The following DENND1A variants were observed in gnomAD, a reference collection of about 807,000 sequenced individuals.
DENND1A encodes the protein DENN domain-containing protein 1A.
Under a neutral mutation model 113.7 loss-of-function variants are expected in DENND1A, and 51 were observed. That is an observed-to-expected ratio of 0.45 (90% CI 0.36 to 0.57). DENND1A has a LOEUF of 0.57. DENND1A is among the 20% of genes least tolerant of loss of function. DENND1A has a pLI of 0.00. For missense variants in DENND1A, 1,258 were observed against 1,395.9 expected, an observed-to-expected ratio of 0.90 and a Z score of 1.57; for synonymous variants, 565 against 570.8, an observed-to-expected ratio of 0.99 and a Z score of 0.14.
rs80234279 is a variant in DENND1A at position 123,448,391 on chromosome 9, T to C, written c.1356+2302A>G. ...ACAAGTAGGGAGGTAAGGTGATGTC[T>C]GTAGCTTAACGGTCTGCAGAGAGTG... On this transcript the variant is annotated intron_variant, in intron 18 of 23. Transcript: ENST00000394215. Among the ~76,000 whole-genome samples, 611 of 152,218 alleles carry C rather than the reference T, an allele frequency of 4.0e-3. 4 individuals are homozygous for C. The highest frequency in any genetic ancestry group is 0.014 in the African/African-American group (575 of 41,460).
intron 9 of DENND1A, among the ~76,000 whole-genome samples, chr9:123,632,064 A>C (rs569350898): frequency 6.6e-6 from 1 of 152,176 alleles, no homozygotes; most frequent in African/African-American, 2.4e-5. Flanking sequence ...GTGGCGAAAG[A>C]GTGACGTGCC....
intron 2 of DENND1A, among the ~76,000 whole-genome samples, chr9:123,864,020 C>T (rs1208863629): frequency 1.3e-5 from 2 of 149,844 alleles, no homozygotes; most frequent in Non-Finnish European, 1.5e-5. Context: ...AAATCATTAT[C>T]GAGAGTTTCA....
chr9:123,710,765 C>T lies in DENND1A; in HGVS notation c.303-33976G>A, dbSNP rs930801129. Among the ~76,000 whole-genome samples the T allele has an allele frequency of 5.9e-5, 9 of 151,790 alleles. No individual in the cohort carries two copies. In the South Asian group the frequency reaches 6.2e-4, roughly 11 times the overall value. On this transcript the variant is annotated intron_variant, in intron 5 of 23. Coordinates refer to ENST00000394215, the MANE Select transcript of DENND1A (RefSeq NM_001352964.2). ...TTGACTCACTGCAACCTCCATCTCCCGGCTTCAAGCAATTCTGCTGCCTCA... is the reference window on the plus strand; with the variant it reads ...TTGACTCACTGCAACCTCCATCTCCTGGCTTCAAGCAATTCTGCTGCCTCA...
At chr9:123,774,788 C>T (rs547555722) in intron 3 of DENND1A, among the ~76,000 whole-genome samples, 27 of 151,982 alleles carry the variant, frequency 1.8e-4, no homozygotes, top group Non-Finnish European at 3.2e-4. Flanking sequence ...ACCTAATATG[C>T]AGTATTAATG....
intron 13 of DENND1A, among the ~76,000 whole-genome samples, chr9:123,501,347 G>A (rs1246014546): frequency 6.6e-6 from 1 of 152,168 alleles, no homozygotes; most frequent in African/African-American, 2.4e-5. Context: ...ATCTGTGGAT[G>A]GACACCTGGG....
intron 3 of DENND1A, among the ~76,000 whole-genome samples, chr9:123,772,238 T>A (rs1590022707): frequency 6.6e-6 from 1 of 152,316 alleles, no homozygotes; most frequent in East Asian, 1.9e-4. Flanking sequence ...TCATGTCTTA[T>A]CATCTTTTCC....
intron 1 of DENND1A, among the ~76,000 whole-genome samples, chr9:123,882,245 T>C (rs183738286): frequency 6.7e-6 from 1 of 149,614 alleles, no homozygotes; most frequent in African/African-American, 2.5e-5. Flanking sequence ...GCCCAGCTAC[T>C]GGAGAGGCCA....
chr9:123,430,067 G>A (rs542989284), intron 19 of DENND1A, among the ~76,000 whole-genome samples: 1 of 152,252 alleles, frequency 6.6e-6, no homozygotes, highest in African/African-American at 2.4e-5. Flanking sequence ...CATTCACGTG[G>A]CCAATGAACA....
chr9:123,510,966 C>T (rs1411165606), intron 13 of DENND1A, among the ~76,000 whole-genome samples: 1 of 152,200 alleles, frequency 6.6e-6, no homozygotes, highest in African/African-American at 2.4e-5. Context: ...TAAGGCCACA[C>T]AATCCTTCCA....
At chr9:123,850,539 A>C (rs551447315) in intron 2 of DENND1A, among the ~76,000 whole-genome samples, 2 of 152,308 alleles carry the variant, frequency 1.3e-5, no homozygotes, top group South Asian at 4.1e-4. Context: ...GTCTGCAACT[A>C]AACTGAACCT....
At chr9:123,601,125 T>C (rs2059918112) in intron 11 of DENND1A, among the ~76,000 whole-genome samples, 1 of 152,074 alleles carries the variant, frequency 6.6e-6, no homozygotes, top group African/African-American at 2.4e-5. Flanking sequence ...TCAATGATGG[T>C]TTCACATTTT....
intron 13 of DENND1A, among the ~76,000 whole-genome samples, chr9:123,547,989 T>G (rs1182519707): frequency 6.6e-6 from 1 of 152,212 alleles, no homozygotes; most frequent in African/African-American, 2.4e-5. Flanking sequence ...TAGCTAGGCA[T>G]TATTTACATC....
At chr9:123,570,877 T>C (rs2058316920) in intron 12 of DENND1A, among the ~76,000 whole-genome samples, 2 of 152,106 alleles carry the variant, frequency 1.3e-5, no homozygotes, top group East Asian at 1.9e-4. Flanking sequence ...TTTAAAGAAA[T>C]ATGGCGTGGA....
intron 15 of DENND1A, among the ~76,000 whole-genome samples, chr9:123,455,635 C>G (rs759909224): frequency 2.6e-5 from 4 of 152,198 alleles, no homozygotes; most frequent in Non-Finnish European, 5.9e-5. Flanking sequence ...GAACAGGAAC[C>G]CCCAGGGCTG....
At chr9:123,675,237 C>A (rs1422445250) in intron 6 of DENND1A, among the ~76,000 whole-genome samples, 1 of 152,164 alleles carries the variant, frequency 6.6e-6, no homozygotes, top group Non-Finnish European at 1.5e-5. Flanking sequence ...ACACAATTTC[C>A]CCCTTTCCTC....
At chr9:123,406,058 C>T (rs1411722824) in intron 20 of DENND1A, among the ~76,000 whole-genome samples, 3 of 152,214 alleles carry the variant, frequency 2.0e-5, no homozygotes, top group Non-Finnish European at 4.4e-5. Flanking sequence ...CACCCTTTTT[C>T]CTGAACATCG....
intron 12 of DENND1A, among the ~76,000 whole-genome samples, chr9:123,560,621 T>C (rs1447578991): frequency 1.3e-5 from 2 of 151,414 alleles, no homozygotes; most frequent in Admixed American, 1.3e-4. Context: ...GCCCAGGAGT[T>C]TGAGGTTGCA....
rs765633751 is a variant in DENND1A at position 123,485,656 on chromosome 9, G to GCGCGCGCACACACACACACA, written c.994-27760_994-27759insTGTGTGTGTGTGTGCGCGCG. On this transcript the variant is annotated intron_variant, in intron 13 of 23. Transcript: ENST00000394215. ...TGCGCGTACACACACGCGCGCGCGC[G>GCGCGCGCACACACACACACA]CACACACACACACACACACACACAC... The GCGCGCGCACACACACACACA allele has an allele frequency of 1.4e-4, 20 of 141,238 alleles. No individual in the cohort carries two copies. The East Asian group carries it at 1.6e-3, about 12-fold the overall frequency. The allele number at this position is 141,238 out of a possible 1,614,324, so 8.7% of individuals were successfully genotyped here.
intron 13 of DENND1A, among the ~76,000 whole-genome samples, chr9:123,524,647 G>C (rs748912883): frequency 2.5e-4 from 38 of 152,262 alleles, no homozygotes; most frequent in East Asian, 1.2e-3. Context: ...TAAAGTGGCA[G>C]ATGAACCAGG....
Sources: allele counts gnomAD v4.1 joint callset (sites outside exome capture counted in the v4.1 genomes callset), GRCh38; gene constraint gnomAD v4.1.1; transcripts MANE v1.5; gene names NCBI Gene and HGNC (gene_info 2026-07-23, HGNC 2026-07-21).